Variants in TMPRSS11D observed in about 807,000 individuals in gnomAD.
TMPRSS11D encodes the protein transmembrane serine protease 11D.
In TMPRSS11D, 32 loss-of-function variants were observed where a neutral mutation model predicts 44.4. That is an observed-to-expected ratio of 0.72 (90% CI 0.54 to 0.97). The LOEUF is 0.97. Ranked by LOEUF, TMPRSS11D falls within the 50% of genes least tolerant of loss-of-function variation. TMPRSS11D has a pLI of 0.00. For synonymous variants in TMPRSS11D, 179 were observed against 177.9 expected, an observed-to-expected ratio of 1.01 and a Z score of -0.05; for missense variants, 446 against 502.6, an observed-to-expected ratio of 0.89 and a Z score of 1.08.
intron 3 of TMPRSS11D, 144 bp from the exon 4 acceptor site, chr4:67,842,769 A>G (rs1718262891): frequency 1.4e-6 from 1 of 716,012 alleles, no homozygotes; most frequent in African/African-American, 1.8e-5. Context: ...TGCAAAACAC[A>G]TGGGATTGAT....
At chr4:67,855,993 C>G (rs1459392787) in intron 2 of TMPRSS11D, among the ~76,000 whole-genome samples, 4 of 152,034 alleles carry the variant, frequency 2.6e-5, no homozygotes, top group African/African-American at 4.8e-5. Flanking sequence ...TGGAAGAGGG[C>G]ACAAACAAAT....
Position 67,822,437 on chromosome 4 carries a change from A to G in TMPRSS11D, c.1157T>C (p.Ile386Thr). ...DSRRLWFIVG[I>T]VSWGDQCGLP... ...GCCACACTGATCTCCCCAGCTTACT[A>G]TCCCCACAATAAACCAAAGCCGCCG... The change falls in exon 10 of 10, where the codon ATA (isoleucine) becomes ACA (threonine). Residue 386 changes from isoleucine to threonine, a missense_variant. Ile to Thr is a moderately conservative substitution (Grantham distance 89). Coordinates refer to ENST00000283916, the MANE Select transcript of TMPRSS11D (RefSeq NM_004262.3). 6.2e-7 allele frequency: 1 copy of G among 1,613,938 alleles called. No individual in the cohort carries two copies. Among genetic ancestry groups the G allele is most frequent in the Non-Finnish European group, 8.5e-7 (1 of 1,179,904 alleles).
chr4:67,881,293 A>T (rs1472113972), intron 1 of TMPRSS11D, among the ~76,000 whole-genome samples: 1 of 152,188 alleles, frequency 6.6e-6, no homozygotes, highest in African/African-American at 2.4e-5. Flanking sequence ...GAGAAAATAG[A>T]TTGGGAGTGC....
intron 1 of TMPRSS11D, among the ~76,000 whole-genome samples, chr4:67,873,297 T>C (rs1365338445): frequency 1.3e-5 from 2 of 152,142 alleles, no homozygotes; most frequent in Admixed American, 1.3e-4. Flanking sequence ...GCTCTGTGAG[T>C]TCTAACTTGC....
At chr4:67,836,453 A>G (rs1278143638) in intron 5 of TMPRSS11D, among the ~76,000 whole-genome samples, 1 of 152,180 alleles carries the variant, frequency 6.6e-6, no homozygotes, top group African/African-American at 2.4e-5. Context: ...TTTCCCACTA[A>G]AAGTTTCACA....
chr4:67,883,816 A>G, intron 1 of TMPRSS11D, 110 bp downstream of exon 1: 1 of 757,676 alleles, frequency 1.3e-6, no homozygotes, highest in Non-Finnish European at 2.1e-6. Context: ...CAGAGAAGTA[A>G]CTAGAAGATT....
In TMPRSS11D at chr4:67,827,342, C is replaced by T. The variant is rs1717823817; in HGVS notation, c.871G>A (p.Val291Met). The change falls in exon 8 of 10, where the codon GTG becomes ATG. Residue 291 changes from valine (V) to methionine (M), a missense_variant. Val to Met is a conservative substitution (Grantham distance 21). Coordinates refer to ENST00000283916, the MANE Select transcript of TMPRSS11D (RefSeq NM_004262.3). The stretch of plus-strand genomic sequence containing the variant: ...TTCTGGGTAGCAGCTGGGAGACACA[C>T]ACTATGGATATCTTTGGTAAAGGTG... ...SVTFTKDIHS[V>M]CLPAATQNIP... 6.2e-7 allele frequency: 1 copy of T among 1,613,296 alleles called. No individual in the cohort carries two copies. Among genetic ancestry groups the T allele is most frequent in the Non-Finnish European group, 8.5e-7 (1 of 1,179,554 alleles).
At chr4:67,844,483 A>G (rs751166872) in intron 3 of TMPRSS11D, among the ~76,000 whole-genome samples, 1 of 152,156 alleles carries the variant, frequency 6.6e-6, no homozygotes, top group Non-Finnish European at 1.5e-5. Flanking sequence ...AGAAGAAAGC[A>G]AAAAGTCAGG....
intron 7 of TMPRSS11D, among the ~76,000 whole-genome samples, chr4:67,828,275 C>CA (rs1362845060): frequency 1.2e-4 from 18 of 151,634 alleles, no homozygotes; most frequent in South Asian, 2.1e-4. Context: ...AAAATTGAAG[C>CA]AAAAAAACGT....
chr4:67,873,093 C>G (rs6818162), intron 1 of TMPRSS11D, among the ~76,000 whole-genome samples: 105,240 of 152,098 alleles, frequency 0.69, 37,371 homozygotes, highest in African/African-American at 0.86. Flanking sequence ...CTAGAGAAAA[C>G]TTCATGTTTA....
In TMPRSS11D at chr4:67,847,801, G is replaced by C. The variant is rs146383315; in HGVS notation, c.250-5176C>G. 3.3e-4 allele frequency among the ~76,000 whole-genome samples: 50 copies of C among 152,244 alleles called. No individual in the cohort carries two copies. The East Asian group carries it at 8.5e-3, about 26-fold the overall frequency. ...AAAAAATACATGTAAAATGACCTTT[G>C]AGTATTTTATTTCAGCACTCCAATG... On this transcript the variant is annotated intron_variant, in intron 3 of 9. Coordinates refer to ENST00000283916, the MANE Select transcript of TMPRSS11D (RefSeq NM_004262.3).
In TMPRSS11D at chr4:67,881,389, G is replaced by C. The variant is rs142847572; in HGVS notation, c.8+2537C>G. ...ATGACTGACTGCAGCTGATCTTCCTGTATGCAGGCCCGTCCCACACCATCA... is the reference window on the plus strand; with the variant it reads ...ATGACTGACTGCAGCTGATCTTCCTCTATGCAGGCCCGTCCCACACCATCA... On this transcript the variant is annotated intron_variant, in intron 1 of 9. Coordinates refer to ENST00000283916, the MANE Select transcript of TMPRSS11D (RefSeq NM_004262.3). 4.1e-4 allele frequency among the ~76,000 whole-genome samples: 62 copies of C among 152,314 alleles called. 1 individual carries two copies. Among genetic ancestry groups the C allele is most frequent in the African/African-American group, 1.4e-3 (59 of 41,570 alleles).
At chr4:67,826,599 G>A (rs1717797999) in intron 8 of TMPRSS11D, among the ~76,000 whole-genome samples, 1 of 151,938 alleles carries the variant, frequency 6.6e-6, no homozygotes, top group African/African-American at 2.4e-5. Context: ...CCATATCCCA[G>A]AATACTTTAA....
At chr4:67,853,211 A>C (rs922310538) in intron 3 of TMPRSS11D, among the ~76,000 whole-genome samples, 1 of 152,186 alleles carries the variant, frequency 6.6e-6, no homozygotes, top group Non-Finnish European at 1.5e-5. Flanking sequence ...TGTGTTCAGA[A>C]GTGTGTAAAT....
Position 67,857,308 on chromosome 4 carries a change from TATATATATATATATACACACAC to T in TMPRSS11D, c.130+2227_130+2248del, listed in dbSNP as rs1379477494. Among the ~76,000 whole-genome samples the T allele has an allele frequency of 0.011, 81 of 7,230 alleles. 4 individuals carry two copies. The South Asian group carries it at 0.25, about 22-fold the overall frequency. 4.7% of individuals were successfully genotyped at this position (7,230 alleles called of 152,430 possible). ...ATATATATATATATATATATATATA[TATATATATATATATACACACAC>T]ACACACACACACACACATACACAAT... On this transcript the variant is annotated intron_variant, in intron 2 of 9. Transcript: ENST00000283916.
In TMPRSS11D at chr4:67,854,081, CT is replaced by C; in HGVS notation, c.235del (p.Arg79GlufsTer5). The stretch of plus-strand genomic sequence containing the variant: ...ATATTAACTTACCAGAGATTCAATT[CT>C]TCCACTCAAAGTCCTGTATTCCTGT... ...ATQEYRTLSG[R>X]IESLITKTFK... On this transcript the variant is annotated frameshift_variant, in exon 3 of 10. Coordinates refer to ENST00000283916, the MANE Select transcript of TMPRSS11D (RefSeq NM_004262.3). LOFTEE classifies it high-confidence loss of function. 6.5e-7 allele frequency: 1 copy of C among 1,547,138 alleles called. No homozygotes were observed. The highest frequency in any genetic ancestry group is 8.8e-7 in the Non-Finnish European group (1 of 1,140,748).
intron 1 of TMPRSS11D, among the ~76,000 whole-genome samples, chr4:67,874,203 A>G (rs1346349055): frequency 6.6e-6 from 1 of 152,188 alleles, no homozygotes; most frequent in African/African-American, 2.4e-5. Flanking sequence ...ATCTAGGTGC[A>G]TGTAAGTATA....
In TMPRSS11D at chr4:67,827,425, T is replaced by C; in HGVS notation, c.788A>G (p.Asn263Ser). 1 of 1,613,026 alleles carries C rather than the reference T, an allele frequency of 6.2e-7. No individual in the cohort carries two copies. Among genetic ancestry groups the C allele is most frequent in the Non-Finnish European group, 8.5e-7 (1 of 1,179,440 alleles). The change falls in exon 8 of 10, where the codon AAT becomes AGT. Residue 263 changes from asparagine (N) to serine (S), a missense_variant. Coordinates refer to ENST00000283916, the MANE Select transcript of TMPRSS11D (RefSeq NM_004262.3). Reference protein sequence around the residue: ...MRVRNILIHNNYKSATHENDI... With the variant: ...MRVRNILIHNSYKSATHENDI... ...ATTTTCATGAGTTGCAGATTTATAATTGTTATGAATTAAAATATTTCTTAC... is the reference window on the plus strand; with the variant it reads ...ATTTTCATGAGTTGCAGATTTATAACTGTTATGAATTAAAATATTTCTTAC...
chr4:67,839,581 G>A (rs1718180866), intron 4 of TMPRSS11D, among the ~76,000 whole-genome samples: 1 of 151,950 alleles, frequency 6.6e-6, no homozygotes, highest in South Asian at 2.1e-4. Context: ...AAAATAGGAA[G>A]TTGAACTTGA....
Sources: allele counts gnomAD v4.1 joint callset (sites outside exome capture counted in the v4.1 genomes callset), GRCh38; gene constraint gnomAD v4.1.1; transcripts MANE v1.5; gene names NCBI Gene and HGNC (gene_info 2026-07-23, HGNC 2026-07-21).